Variants in PRRX2 observed in about 807,000 individuals in gnomAD.
The protein encoded by PRRX2 is paired related homeobox 2.
In PRRX2, 11 loss-of-function variants were observed where a neutral mutation model predicts 18.0. The observed-to-expected ratio is 0.61, with a 90% CI of 0.39 to 1.01. The LOEUF is 1.01. Among genes scored for constraint, PRRX2 ranks in the 50% least tolerant of loss-of-function variants. The pLI, the probability that PRRX2 is intolerant of heterozygous loss-of-function variation, is 0.01. For synonymous variants in PRRX2, 177 were observed against 154.8 expected (o/e 1.14, Z -1.06); for missense variants, 387 against 351.0 (o/e 1.10, Z -0.82).
chr9:129,672,665 G>A (rs1832114306), intron 1 of PRRX2, among the ~76,000 whole-genome samples: 1 of 152,194 alleles, frequency 6.6e-6, no homozygotes, highest in Non-Finnish European at 1.5e-5. Flanking sequence ...TGAGGGAGAT[G>A]GGTCAGGCCT....
At chr9:129,680,412 A>G (rs183838162) in intron 1 of PRRX2, among the ~76,000 whole-genome samples, 2,343 of 134,768 alleles carry the variant, frequency 0.017, 36 homozygotes, top group Non-Finnish European at 0.028. Context: ...AAAAAAAAAA[A>G]AAAAGAAAAG....
At chr9:129,693,354 G>A (rs560770552) in intron 1 of PRRX2, among the ~76,000 whole-genome samples, 37 of 152,310 alleles carry the variant, frequency 2.4e-4, no homozygotes, top group African/African-American at 8.2e-4. Context: ...AGCACTTTGG[G>A]AGGCCAAGGC....
intron 1 of PRRX2, 67 bp downstream of exon 1, chr9:129,666,193 T>G (rs1436161449): frequency 3.5e-5 from 28 of 808,722 alleles, no homozygotes; most frequent in Admixed American, 3.3e-4. Flanking sequence ...GGGCGCGGGG[T>G]CCGGGGAGCC....
At chr9:129,716,556 G>C (rs189103705) in intron 1 of PRRX2, among the ~76,000 whole-genome samples, 22 of 151,462 alleles carry the variant, frequency 1.5e-4, no homozygotes, top group Non-Finnish European at 2.5e-4. Flanking sequence ...ACAGGTTCAA[G>C]TGATTCTCCT....
At position 129,665,915 on chromosome 9, in the gene PRRX2, C is replaced by CCCGGGG; in HGVS notation, c.52_57dup (p.Gly18_Pro19dup). Reference sequence around the variant, plus strand: ...TCGCCCTGGACAAGCCGGCGCTGGGCCCGGGGCCGCCGCCGCCTCCACCCG... The same window carrying CCCGGGG: ...TCGCCCTGGACAAGCCGGCGCTGGGCCCGGGGCCGGGGCCGCCGCCGCCTCCACCCG... On this transcript the variant is annotated inframe_insertion, in exon 1 of 4. Coordinates refer to ENST00000372469, the MANE Select transcript of PRRX2 (RefSeq NM_016307.4). This position sits in a 1 kb window ranked among gnomAD's most constrained non-coding sequence, Gnocchi z 5.3. 9.0e-7 allele frequency: 1 copy of CCCGGGG among 1,114,410 alleles called. No individual in the cohort carries two copies. The highest frequency in any genetic ancestry group is 1.1e-6 in the Non-Finnish European group (1 of 914,176). 69.0% of individuals were successfully genotyped at this position (1,114,410 alleles called of 1,614,324 possible).
At chr9:129,721,022 TGTGA>T (rs1832784443) in intron 3 of PRRX2, among the ~76,000 whole-genome samples, 3 of 152,118 alleles carry the variant, frequency 2.0e-5, no homozygotes, top group Admixed American at 6.5e-5. Flanking sequence ...CACACATGAC[TGTGA>T]GTGTGCATGC....
At chr9:129,681,755 T>C (rs2119063023) in intron 1 of PRRX2, among the ~76,000 whole-genome samples, 1 of 150,920 alleles carries the variant, frequency 6.6e-6, no homozygotes, top group Non-Finnish European at 1.5e-5. Flanking sequence ...CTGGGGCAGA[T>C]GGTGTGGGAT....
chr9:129,721,998 C>T (rs1275108007), intron 3 of PRRX2, among the ~76,000 whole-genome samples: 1 of 152,160 alleles, frequency 6.6e-6, no homozygotes, highest in African/African-American at 2.4e-5. Flanking sequence ...TGTCAGGAAG[C>T]TCATGGCTCA....
At chr9:129,674,937 G>A (rs578141611) in intron 1 of PRRX2, among the ~76,000 whole-genome samples, 1 of 152,248 alleles carries the variant, frequency 6.6e-6, no homozygotes, top group Admixed American at 6.5e-5. Flanking sequence ...CCACCGGATC[G>A]GACTCGGAGC....
Position 129,722,252 on chromosome 9 carries a change from C to T in PRRX2, c.662C>T (p.Pro221Leu), listed in dbSNP as rs1370493903. ...CCCTACAGCCCTGGGAGCTCAGGCC[C>T]CGCAACCCCAGGGGTCAACATGGCC... ...VPPYSPGSSG[P>L]ATPGVNMANS... Residue 221 changes from proline to leucine, a missense_variant, in exon 4 of 4, where the codon CCC becomes CTC. Transcript: ENST00000372469. 2.5e-6 allele frequency: 4 copies of T among 1,614,004 alleles called. No homozygotes were observed. The highest frequency in any genetic ancestry group is 3.3e-5 in the Admixed American group (2 of 60,018).
intron 1 of PRRX2, 26 bp downstream of exon 1, chr9:129,666,152 G>T: frequency 9.9e-7 from 1 of 1,008,222 alleles, no homozygotes; most frequent in Non-Finnish European, 1.2e-6. Context: ...CAGGGACGGG[G>T]GTGGCGGGGC....
intron 1 of PRRX2, among the ~76,000 whole-genome samples, chr9:129,693,662 A>G (rs1293321367): frequency 6.6e-6 from 1 of 152,050 alleles, no homozygotes; most frequent in Non-Finnish European, 1.5e-5. Flanking sequence ...ATTACTGGTT[A>G]ATACAGTATT....
chr9:129,682,031 G>C (rs1411234531), intron 1 of PRRX2, among the ~76,000 whole-genome samples: 1 of 152,190 alleles, frequency 6.6e-6, no homozygotes, highest in Non-Finnish European at 1.5e-5. Context: ...CCCTGAGGAG[G>C]AGGCGTGGGT....
chr9:129,677,768 GGA>G (rs1832179133), intron 1 of PRRX2, among the ~76,000 whole-genome samples: 2 of 152,232 alleles, frequency 1.3e-5, no homozygotes, highest in Non-Finnish European at 2.9e-5. Context: ...CCCTGCGGGA[GGA>G]GAGTGTCAGG....
At chr9:129,710,449 C>A (rs2130929855) in intron 1 of PRRX2, among the ~76,000 whole-genome samples, 1 of 152,248 alleles carries the variant, frequency 6.6e-6, no homozygotes, top group South Asian at 2.1e-4. Flanking sequence ...TGAAAGCTAG[C>A]TTGGCCGGGC....
intron 1 of PRRX2, among the ~76,000 whole-genome samples, chr9:129,699,248 C>T (rs1440858406): frequency 6.6e-6 from 1 of 152,120 alleles, no homozygotes; most frequent in Non-Finnish European, 1.5e-5. Flanking sequence ...CATGGTGAAA[C>T]CTCGTCTAAA....
intron 1 of PRRX2, among the ~76,000 whole-genome samples, chr9:129,672,242 C>T (rs559368197): frequency 2.0e-5 from 3 of 152,242 alleles, no homozygotes; most frequent in South Asian, 4.2e-4. Context: ...AGGGGGTGGC[C>T]GTGGTGGGGC....
intron 1 of PRRX2, among the ~76,000 whole-genome samples, chr9:129,710,074 G>C (rs779352254): frequency 2.0e-5 from 3 of 152,216 alleles, no homozygotes; most frequent in Non-Finnish European, 4.4e-5. Context: ...CTTTTTGGGA[G>C]CTTAAGCCTG....
At chr9:129,694,294 A>G (rs377447271) in intron 1 of PRRX2, among the ~76,000 whole-genome samples, 18 of 152,220 alleles carry the variant, frequency 1.2e-4, no homozygotes, top group African/African-American at 4.3e-4. Flanking sequence ...GATTCAAGCC[A>G]TTCTCTCAGC....
Sources: allele counts gnomAD v4.1 joint callset (sites outside exome capture counted in the v4.1 genomes callset), GRCh38; gene constraint gnomAD v4.1.1; non-coding constraint Gnocchi (gnomAD v3.1); transcripts MANE v1.5; gene names NCBI Gene and HGNC (gene_info 2026-07-23, HGNC 2026-07-21).